Variants in STXBP4 observed in about 807,000 individuals in gnomAD.
STXBP4 encodes the protein syntaxin-binding protein 4.
In STXBP4, 55 loss-of-function variants were observed where a neutral mutation model predicts 76.1. The observed-to-expected ratio is 0.72, with a 90% CI of 0.58 to 0.91. STXBP4 has a LOEUF of 0.91. Ranked by LOEUF, STXBP4 falls within the 40% of genes least tolerant of loss-of-function variation. The pLI is 0.00. For synonymous variants in STXBP4, 201 were observed against 220.2 expected (o/e 0.91, Z 0.77); for missense variants, 618 against 636.9 (o/e 0.97, Z 0.32).
At position 55,128,596 on chromosome 17, in the gene STXBP4, T is replaced by TTTTG. The variant is rs77698622; in HGVS notation, c.1490-12688_1490-12685dup. Reference sequence around the variant, plus strand: ...ACACAACTATAAGATTTCATAGTCCTTTTGTTTGTTTGTTTGTTTGTTTGT... The same window carrying TTTTG: ...ACACAACTATAAGATTTCATAGTCCTTTTGTTTGTTTGTTTGTTTGTTTGTTTGT... On this transcript the variant is annotated intron_variant, in intron 16 of 17. Transcript: ENST00000376352. 4.5e-3 allele frequency among the ~76,000 whole-genome samples: 684 copies of TTTTG among 152,180 alleles called. 3 individuals carry two copies. Among genetic ancestry groups the TTTTG allele is most frequent in the African/African-American group, 0.011 (469 of 41,524 alleles).
chr17:55,112,128 C>T (rs1286210805), intron 16 of STXBP4, among the ~76,000 whole-genome samples: 1 of 151,898 alleles, frequency 6.6e-6, no homozygotes, highest in African/African-American at 2.4e-5. Context: ...CTGTGTTGCC[C>T]AGGCTGGTCT....
intron 11 of STXBP4, among the ~76,000 whole-genome samples, chr17:55,045,144 C>T (rs1194468968): frequency 3.3e-5 from 5 of 152,012 alleles, no homozygotes; most frequent in African/African-American, 1.2e-4. Context: ...CATATGTTAC[C>T]ATATTCCCTT....
At chr17:55,142,869 A>T (rs950653797) in intron 17 of STXBP4, among the ~76,000 whole-genome samples, 2 of 152,230 alleles carry the variant, frequency 1.3e-5, no homozygotes, top group South Asian at 4.1e-4. Flanking sequence ...TGTGCAGATT[A>T]CATTTAGTGC....
chr17:55,060,223 G>A (rs760958141), intron 12 of STXBP4, among the ~76,000 whole-genome samples: 1 of 151,970 alleles, frequency 6.6e-6, no homozygotes, highest in Non-Finnish European at 1.5e-5. Context: ...CTTTTCTTAT[G>A]TACATAGAAT....
At chr17:55,004,596 G>C (rs1023726248) in intron 7 of STXBP4, among the ~76,000 whole-genome samples, 9 of 151,800 alleles carry the variant, frequency 5.9e-5, no homozygotes, top group Non-Finnish European at 1.3e-4. Flanking sequence ...AGCTACTTGG[G>C]AATCTGAGGT....
At chr17:55,193,993 AAAG>A in the STXBP4 span, among the ~76,000 whole-genome samples, 1 of 152,224 alleles carries the variant, frequency 6.6e-6, no homozygotes, top group East Asian at 1.9e-4. Context: ...ATTTCAGGGA[AAAG>A]AAGGCTTTCT....
chr17:55,013,525 G>A (rs2078149429), intron 8 of STXBP4, among the ~76,000 whole-genome samples: 1 of 152,212 alleles, frequency 6.6e-6, no homozygotes. Flanking sequence ...AGTATAGGCT[G>A]GATACATTCC....
intron 16 of STXBP4, among the ~76,000 whole-genome samples, chr17:55,118,836 T>C (rs961546231): frequency 6.6e-6 from 1 of 151,686 alleles, no homozygotes; most frequent in Non-Finnish European, 1.5e-5. Flanking sequence ...GTAACTGTCC[T>C]GATAGTAATT....
Position 55,161,494 on chromosome 17 carries a change from G to C in STXBP4, c.*1583G>C, listed in dbSNP as rs1233676851. 2 of 152,110 alleles carry C rather than the reference G, an allele frequency of 1.3e-5. No homozygotes were observed. Among genetic ancestry groups the C allele is most frequent in the Non-Finnish European group, 2.9e-5 (2 of 68,012 alleles). The allele number at this position is 152,110 out of a possible 1,614,324, so 9.4% of individuals were successfully genotyped here. A position where few individuals can be genotyped will look rare whatever the true frequency, so the allele number is the denominator to read the frequency against. On this transcript the variant is annotated 3_prime_UTR_variant, in exon 18 of 18. Transcript: ENST00000376352. ...AACTTCTTGTTTTTGTCAAATTAAT[G>C]GTATGAAATTTCTCTCCCCCTGCTT...
rs372196511 is a variant in STXBP4, at chr17:55,081,604, A to T, written c.1489+421A>T. Among the ~76,000 whole-genome samples the T allele has an allele frequency of 1.5e-3, 223 of 152,316 alleles. 7 individuals carry two copies. The South Asian group carries it at 0.045, about 31-fold the overall frequency. On this transcript the variant is annotated intron_variant, in intron 16 of 17. Transcript: ENST00000376352. ...GACAAAACTGCTGAAACGATGAGTT[A>T]AGCAGAACCATGGAAAAAACCCCAG...
At chr17:55,045,662 C>T (rs1567735849) in intron 11 of STXBP4, among the ~76,000 whole-genome samples, 1 of 151,854 alleles carries the variant, frequency 6.6e-6, no homozygotes, top group Non-Finnish European at 1.5e-5. Context: ...CTGAATATAC[C>T]CTGATATGAC....
chr17:54,987,648 A>G (rs529452376), intron 3 of STXBP4, among the ~76,000 whole-genome samples: 1 of 152,226 alleles, frequency 6.6e-6, no homozygotes, highest in Non-Finnish European at 1.5e-5. Flanking sequence ...TCTGGTGAAT[A>G]CAAATTATGC....
rs566224337 is a variant in STXBP4, at chr17:54,978,267, C to T, written c.-156-7347C>T. Among the ~76,000 whole-genome samples the T allele has an allele frequency of 3.3e-5, 5 of 152,186 alleles. No homozygotes were observed. The East Asian group carries it at 9.6e-4, about 29-fold the overall frequency. On this transcript the variant is annotated intron_variant, in intron 1 of 17. Coordinates refer to ENST00000376352, the MANE Select transcript of STXBP4 (RefSeq NM_178509.6). ...GACTAGGGAGCAGAGTAAGTGGCTGCTCAAAGTCATATGTCTAGTGGGCAT... is the reference window on the plus strand; with the variant it reads ...GACTAGGGAGCAGAGTAAGTGGCTGTTCAAAGTCATATGTCTAGTGGGCAT...
At position 55,007,436 on chromosome 17, in the gene STXBP4, C is replaced by T. The variant is rs1345269795; in HGVS notation, c.575-70C>T. The T allele has an allele frequency of 1.2e-5, 13 of 1,062,630 alleles. No individual in the cohort carries two copies. The East Asian group carries it at 2.4e-4, about 20-fold the overall frequency. 65.8% of individuals were successfully genotyped at this position (1,062,630 alleles called of 1,614,324 possible). On this transcript the variant is annotated intron_variant, in intron 7 of 17. Coordinates refer to ENST00000376352, the MANE Select transcript of STXBP4 (RefSeq NM_178509.6). Reference sequence around the variant, plus strand: ...ATTTTTGAACAGCAGGAACTCAGAACATATCCTGTCAAATAAAAATTTCGA... The same window carrying T: ...ATTTTTGAACAGCAGGAACTCAGAATATATCCTGTCAAATAAAAATTTCGA...
At chr17:55,018,791 T>C (rs936797210) in intron 8 of STXBP4, among the ~76,000 whole-genome samples, 5 of 152,138 alleles carry the variant, frequency 3.3e-5, no homozygotes, top group African/African-American at 9.7e-5. Flanking sequence ...GGGGAGATTA[T>C]AAAGAACATT....
chr17:55,006,013 GTA>G (rs1333534101), intron 7 of STXBP4, among the ~76,000 whole-genome samples: 9 of 151,776 alleles, frequency 5.9e-5, no homozygotes, highest in African/African-American at 2.2e-4. Flanking sequence ...ATGTATATAT[GTA>G]TATGTGTGTG....
At chr17:55,138,758 G>T (rs2080063012) in intron 16 of STXBP4, among the ~76,000 whole-genome samples, 1 of 152,056 alleles carries the variant, frequency 6.6e-6, no homozygotes, top group South Asian at 2.1e-4. Flanking sequence ...CACTTATTAT[G>T]AAGAAATGAA....
At chr17:54,973,394 T>C (rs1289282879) in intron 1 of STXBP4, among the ~76,000 whole-genome samples, 2 of 152,254 alleles carry the variant, frequency 1.3e-5, no homozygotes, top group African/African-American at 4.8e-5. Context: ...AAAATCATCA[T>C]TAACGTGGTT....
At position 55,012,185 on chromosome 17, in the gene STXBP4, A is replaced by G. The variant is rs2144573857; in HGVS notation, c.666+4588A>G. Among the ~76,000 whole-genome samples, 4 of 152,298 alleles carry G rather than the reference A, an allele frequency of 2.6e-5. No homozygotes were observed. In the Middle Eastern group the frequency reaches 0.014, roughly 518 times the overall value. ...GGATTATTTCTTTGGCACACTTCACAGTGCACCATTGGTTACCTTTCCATT... is the reference window on the plus strand; with the variant it reads ...GGATTATTTCTTTGGCACACTTCACGGTGCACCATTGGTTACCTTTCCATT... On this transcript the variant is annotated intron_variant, in intron 8 of 17. Transcript: ENST00000376352.
Sources: gnomAD v4.1 joint callset for allele counts (sites outside exome capture counted in the v4.1 genomes callset) on GRCh38, gnomAD v4.1.1 for gene constraint, MANE v1.5 for transcripts, NCBI Gene and HGNC (gene_info 2026-07-23, HGNC 2026-07-21) for gene names.